Variants in B3GALT1 observed in about 807,000 individuals in gnomAD.
B3GALT1 encodes the protein UDP-Gal:betaGlcNAc beta 1,3-galactosyltransferase, polypeptide 1.
A neutral mutation model predicts 23.2 loss-of-function variants in B3GALT1; 10 were observed. The ratio of observed to expected loss-of-function variants is 0.43; its 90% CI spans 0.27 to 0.73. The LOEUF (loss-of-function observed/expected upper bound fraction) is 0.73, where lower values mean the gene tolerates loss of function less well. B3GALT1 is among the 30% of genes least tolerant of loss of function. The pLI is 0.21. For synonymous variants in B3GALT1, 156 were observed against 141.5 expected (o/e 1.10, Z -0.73); for missense variants, 299 against 405.4 (o/e 0.74, Z 2.25).
chr2:167,802,881 G>A (rs967019432), intron 3 of B3GALT1, among the ~76,000 whole-genome samples: 4 of 151,700 alleles, frequency 2.6e-5, no homozygotes, highest in African/African-American at 9.7e-5. Flanking sequence ...TAACAAAAAT[G>A]TACAATGAAG....
chr2:167,542,251 A>C (rs1158757575), intron 2 of B3GALT1, among the ~76,000 whole-genome samples: 2 of 152,060 alleles, frequency 1.3e-5, no homozygotes, highest in Non-Finnish European at 2.9e-5. Context: ...GTGTTTTCTA[A>C]AATTTCAGTC....
chr2:167,592,332 A>G (rs1051149028), intron 2 of B3GALT1, among the ~76,000 whole-genome samples: 23 of 152,128 alleles, frequency 1.5e-4, no homozygotes, highest in African/African-American at 4.3e-4. Context: ...CCCCTAATCT[A>G]AGAGGATCTC....
At chr2:167,619,177 T>G (rs1209678354) in intron 2 of B3GALT1, among the ~76,000 whole-genome samples, 1 of 151,962 alleles carries the variant, frequency 6.6e-6, no homozygotes, top group Non-Finnish European at 1.5e-5. Flanking sequence ...ACTCCTAGAT[T>G]TTTGTTTTAT....
At chr2:167,414,561 T>C (rs1032989479) in intron 1 of B3GALT1, among the ~76,000 whole-genome samples, 2 of 152,174 alleles carry the variant, frequency 1.3e-5, no homozygotes, top group Non-Finnish European at 2.9e-5. Flanking sequence ...CTAAATCCTG[T>C]ATTTCAATGC....
chr2:167,516,719 G>A (rs1700103674), intron 2 of B3GALT1, among the ~76,000 whole-genome samples: 1 of 151,970 alleles, frequency 6.6e-6, no homozygotes, highest in South Asian at 2.1e-4. Context: ...CTATTTTGTT[G>A]TTGCTGTTTT....
At chr2:167,715,818 A>G (rs1211739280) in intron 3 of B3GALT1, 2 of 1,613,868 alleles carry the variant, frequency 1.2e-6, no homozygotes, top group East Asian at 4.5e-5. Flanking sequence ...ATTAGTCCAG[A>G]AAGCATTTCA....
At chr2:167,553,196 A>G (rs1163562167) in intron 2 of B3GALT1, among the ~76,000 whole-genome samples, 4 of 152,232 alleles carry the variant, frequency 2.6e-5, no homozygotes, top group South Asian at 2.1e-4. Flanking sequence ...AGATCTTAGC[A>G]TAAAAGCTGT....
intron 3 of B3GALT1, among the ~76,000 whole-genome samples, chr2:167,706,349 G>C (rs746294492): frequency 7.7e-4 from 117 of 152,264 alleles, no homozygotes; most frequent in Admixed American, 4.1e-3. Flanking sequence ...TTGTAGTTCT[G>C]TTATTGTGAG....
At chr2:167,302,606 T>G (rs776227619) in intron 1 of B3GALT1, among the ~76,000 whole-genome samples, 7 of 152,178 alleles carry the variant, frequency 4.6e-5, no homozygotes, top group Non-Finnish European at 1.0e-4. Context: ...ATTTGCATTT[T>G]GTAATTAAAA....
chr2:167,458,635 A>G (rs1468683152), intron 1 of B3GALT1, among the ~76,000 whole-genome samples: 1 of 152,070 alleles, frequency 6.6e-6, no homozygotes, highest in East Asian at 1.9e-4. Flanking sequence ...TGTGGTTTTG[A>G]TAGTGGCCAT....
chr2:167,865,495 T>C (rs762304801), intron 4 of B3GALT1, among the ~76,000 whole-genome samples: 7 of 151,704 alleles, frequency 4.6e-5, no homozygotes, highest in Non-Finnish European at 1.5e-5. Flanking sequence ...AGTGAACTGC[T>C]ATTGAAATAA....
chr2:167,447,503 G>T (rs945204312), intron 1 of B3GALT1, among the ~76,000 whole-genome samples: 3 of 152,170 alleles, frequency 2.0e-5, no homozygotes, highest in Non-Finnish European at 2.9e-5. Flanking sequence ...GCTGTGGTGG[G>T]CTCCACCCAG....
At position 167,693,672 on chromosome 2, in the gene B3GALT1, T is replaced by C. The variant is rs1285456181; in HGVS notation, c.-352+46706T>C. 2.0e-5 allele frequency among the ~76,000 whole-genome samples: 3 copies of C among 152,166 alleles called. No homozygotes were observed. In the East Asian group the frequency reaches 5.8e-4, roughly 29 times the overall value. Reference sequence around the variant, plus strand: ...TCACTTTGCTAATTGACACTATGGATGTCTACACTTTCTAAATTTGACGTG... The same window carrying C: ...TCACTTTGCTAATTGACACTATGGACGTCTACACTTTCTAAATTTGACGTG... On this transcript the variant is annotated intron_variant, in intron 3 of 4. Coordinates refer to ENST00000392690, the MANE Select transcript of B3GALT1 (RefSeq NM_020981.4).
chr2:167,830,940 T>C lies in B3GALT1; in HGVS notation c.-230+12147T>C, dbSNP rs1331332551. On this transcript the variant is annotated intron_variant, in intron 4 of 4. Transcript: ENST00000392690. ...CCACTGCACACCAGTTGTAAGAACA[T>C]GGGTGAGCCTCTGAGCCTCTGGACA... is the stretch of plus-strand genomic sequence containing the variant. Among the ~76,000 whole-genome samples the C allele has an allele frequency of 3.3e-5, 5 of 152,330 alleles. No individual in the cohort carries two copies. In the East Asian group the frequency reaches 9.6e-4, roughly 29 times the overall value.
chr2:167,595,759 T>C (rs1684763769), intron 2 of B3GALT1, among the ~76,000 whole-genome samples: 1 of 152,200 alleles, frequency 6.6e-6, no homozygotes, highest in Non-Finnish European at 1.5e-5. Context: ...ATATGGGCTT[T>C]TATACTTTGA....
At chr2:167,658,986 C>T (rs147554656) in intron 3 of B3GALT1, among the ~76,000 whole-genome samples, 1 of 152,128 alleles carries the variant, frequency 6.6e-6, no homozygotes, top group African/African-American at 2.4e-5. Flanking sequence ...CACTTTTTGT[C>T]TCGAGTTTTG....
At chr2:167,736,336 G>T (rs369194536) in intron 3 of B3GALT1, among the ~76,000 whole-genome samples, 2 of 152,102 alleles carry the variant, frequency 1.3e-5, no homozygotes, top group East Asian at 1.9e-4. Flanking sequence ...ATACTGAAAG[G>T]CTATGTCAAA....
chr2:167,599,300 A>T (rs577125990), intron 2 of B3GALT1, among the ~76,000 whole-genome samples: 1 of 152,308 alleles, frequency 6.6e-6, no homozygotes, highest in South Asian at 2.1e-4. Flanking sequence ...TAGAGTCTGG[A>T]GTATAAGTCA....
intron 3 of B3GALT1, among the ~76,000 whole-genome samples, chr2:167,761,088 G>T (rs941048721): frequency 6.6e-6 from 1 of 152,140 alleles, no homozygotes; most frequent in Non-Finnish European, 1.5e-5. Context: ...CAGGGTTCTA[G>T]ATCATTTTTC....
Sources: gnomAD v4.1 joint callset for allele counts (sites outside exome capture counted in the v4.1 genomes callset) on GRCh38, gnomAD v4.1.1 for gene constraint, MANE v1.5 for transcripts, NCBI Gene and HGNC (gene_info 2026-07-23, HGNC 2026-07-21) for gene names.